The following SLC35F1 variants were observed in gnomAD, a reference collection of about 807,000 sequenced individuals.
SLC35F1 encodes the protein chromosome 6 open reading frame 169.
A neutral mutation model predicts 48.7 loss-of-function variants in SLC35F1; 14 were observed. The ratio of observed to expected loss-of-function variants is 0.29; its 90% CI spans 0.19 to 0.45. The LOEUF (loss-of-function observed/expected upper bound fraction) is 0.45. Ranked by LOEUF, SLC35F1 falls within the 20% of genes least tolerant of loss-of-function variation. The pLI, the probability that SLC35F1 is intolerant of heterozygous loss-of-function variation, is 1.00. For synonymous variants in SLC35F1, 190 were observed against 202.2 expected, an observed-to-expected ratio of 0.94 and a Z score of 0.51; for missense variants, 404 against 500.0, an observed-to-expected ratio of 0.81 and a Z score of 1.83.
chr6:118,251,475 A>G (rs281869), intron 3 of SLC35F1, among the ~76,000 whole-genome samples: 106,920 of 151,970 alleles, frequency 0.7, 38,900 homozygotes, highest in African/African-American at 0.88. Context: ...CATGGAGTTT[A>G]AAGGAGGAAA....
At chr6:118,032,432 G>A (rs1772067940) in intron 1 of SLC35F1, among the ~76,000 whole-genome samples, 1 of 152,160 alleles carries the variant, frequency 6.6e-6, no homozygotes, top group Non-Finnish European at 1.5e-5. Flanking sequence ...GACACATGAG[G>A]TTGAATAACT....
At chr6:118,272,473 A>C (rs888915916) in intron 4 of SLC35F1, among the ~76,000 whole-genome samples, 1 of 152,110 alleles carries the variant, frequency 6.6e-6, no homozygotes, top group African/African-American at 2.4e-5. Flanking sequence ...ATTGTGCAAA[A>C]ATTGCTATCA....
chr6:118,172,368 C>A (rs1360910918), intron 2 of SLC35F1, among the ~76,000 whole-genome samples: 1 of 152,038 alleles, frequency 6.6e-6, no homozygotes, highest in Non-Finnish European at 1.5e-5. Context: ...TTTTCTATAA[C>A]CTAATGTCAC....
chr6:117,993,236 C>G (rs1776943285), intron 1 of SLC35F1, among the ~76,000 whole-genome samples: 1 of 152,122 alleles, frequency 6.6e-6, no homozygotes, highest in Admixed American at 6.5e-5. Context: ...ACAGCAGCAT[C>G]CTTCTTTAAC....
chr6:118,019,551 G>A (rs1364778968), intron 1 of SLC35F1, among the ~76,000 whole-genome samples: 1 of 152,142 alleles, frequency 6.6e-6, no homozygotes, highest in Non-Finnish European at 1.5e-5. Flanking sequence ...GAACCTGGGA[G>A]GCAGAGGGTG....
intron 1 of SLC35F1, among the ~76,000 whole-genome samples, chr6:118,079,559 A>G (rs1193559403): frequency 1.3e-5 from 2 of 152,074 alleles, no homozygotes; most frequent in South Asian, 2.1e-4. Flanking sequence ...CTTTATATCT[A>G]TCAACTTTTT....
At chr6:118,151,888 T>A (rs1774064116) in intron 1 of SLC35F1, among the ~76,000 whole-genome samples, 7 of 152,082 alleles carry the variant, frequency 4.6e-5, no homozygotes, top group Admixed American at 4.6e-4. Flanking sequence ...TTTTTATTAA[T>A]CACCCCCTTT....
chr6:118,106,304 C>T (rs56049025), intron 1 of SLC35F1, among the ~76,000 whole-genome samples: 19,954 of 152,172 alleles, frequency 0.13, 1,329 homozygotes, highest in South Asian at 0.28. Flanking sequence ...GTCTTTCTTT[C>T]AACAAGAACT....
chr6:117,978,275 ACT>A (rs1471618966), intron 1 of SLC35F1, among the ~76,000 whole-genome samples: 1 of 151,866 alleles, frequency 6.6e-6, no homozygotes, highest in East Asian at 1.9e-4. Flanking sequence ...ATGGAAAATA[ACT>A]CTTCCCCCTC....
At chr6:118,242,911 A>G (rs777293060) in intron 3 of SLC35F1, among the ~76,000 whole-genome samples, 11 of 152,218 alleles carry the variant, frequency 7.2e-5, no homozygotes, top group Non-Finnish European at 1.5e-4. Flanking sequence ...CCTCTTTCAC[A>G]CAGTGCATAT....
intron 1 of SLC35F1, among the ~76,000 whole-genome samples, chr6:117,981,859 T>C (rs973207285): frequency 2.0e-5 from 3 of 152,196 alleles, no homozygotes; most frequent in Non-Finnish European, 4.4e-5. Context: ...GCATTGTTTT[T>C]ACATTGCCTT....
chr6:118,041,304 A>G (rs1772215986), intron 1 of SLC35F1, among the ~76,000 whole-genome samples: 2 of 152,176 alleles, frequency 1.3e-5, no homozygotes, highest in African/African-American at 4.8e-5. Context: ...ACTTAAAGAT[A>G]TCTTATAAAT....
chr6:118,156,566 C>T (rs746731668), intron 2 of SLC35F1, among the ~76,000 whole-genome samples: 2 of 151,874 alleles, frequency 1.3e-5, no homozygotes, highest in African/African-American at 4.8e-5. Flanking sequence ...GGGAAAATAT[C>T]TAATGTAAAT....
chr6:118,182,016 T>C (rs1774584572), intron 2 of SLC35F1, among the ~76,000 whole-genome samples: 3 of 152,212 alleles, frequency 2.0e-5, no homozygotes, highest in African/African-American at 7.2e-5. Context: ...TTTGCTATTT[T>C]ATTTTTAAAA....
intron 1 of SLC35F1, among the ~76,000 whole-genome samples, chr6:117,947,793 A>G (rs535148573): frequency 6.6e-6 from 1 of 152,156 alleles, no homozygotes; most frequent in Non-Finnish European, 1.5e-5. Context: ...GTTGTTGAGT[A>G]GGCAATTGAG....
chr6:118,250,003 C>T (rs940932611), intron 3 of SLC35F1, among the ~76,000 whole-genome samples: 3 of 152,122 alleles, frequency 2.0e-5, no homozygotes, highest in Non-Finnish European at 4.4e-5. Flanking sequence ...ACAGCTAACT[C>T]GATGACAGTG....
chr6:117,979,467 C>T (rs1384738834), intron 1 of SLC35F1, among the ~76,000 whole-genome samples: 1 of 152,184 alleles, frequency 6.6e-6, no homozygotes. Context: ...CTTTTTCCAA[C>T]AGAAGTAGAC....
At chr6:118,208,744 G>A (rs1056900560) in intron 2 of SLC35F1, among the ~76,000 whole-genome samples, 1 of 151,924 alleles carries the variant, frequency 6.6e-6, no homozygotes, top group African/African-American at 2.4e-5. Flanking sequence ...CTTTATTTTG[G>A]GGGCTCAGAA....
At chr6:117,930,681 CTGTT>C (rs1776088814) in intron 1 of SLC35F1, among the ~76,000 whole-genome samples, 2 of 152,252 alleles carry the variant, frequency 1.3e-5, no homozygotes, top group Admixed American at 1.3e-4. Flanking sequence ...CGAAATATGA[CTGTT>C]TGTATTCCAG....
Sources: allele counts gnomAD v4.1 joint callset (sites outside exome capture counted in the v4.1 genomes callset), GRCh38; gene constraint gnomAD v4.1.1; transcripts MANE v1.5; gene names NCBI Gene and HGNC (gene_info 2026-07-23, HGNC 2026-07-21).